ATF2: variants seen among roughly 807,000 people sequenced by gnomAD.
ATF2 encodes activating transcription factor 2.
A neutral mutation model predicts 60.6 loss-of-function variants in ATF2; 24 were observed. The observed-to-expected ratio is 0.40, with a 90% CI of 0.29 to 0.56. The LOEUF (loss-of-function observed/expected upper bound fraction) is 0.56. Ranked by LOEUF, ATF2 falls within the 20% of genes least tolerant of loss-of-function variation. The pLI is 0.54. For missense variants in ATF2, 433 were observed against 607.7 expected (o/e 0.71, Z 3.02); for synonymous variants, 206 against 215.4 (o/e 0.96, Z 0.38).
intron 13 of ATF2, among the ~76,000 whole-genome samples, chr2:175,079,606 G>C (rs1693626616): frequency 6.6e-6 from 1 of 151,954 alleles, no homozygotes; most frequent in Non-Finnish European, 1.5e-5. Flanking sequence ...TGGCAATTGA[G>C]AGTAGCTAAA....
intron 2 of ATF2, among the ~76,000 whole-genome samples, chr2:175,144,868 A>C (rs993234607): frequency 6.6e-6 from 1 of 152,212 alleles, no homozygotes; most frequent in African/African-American, 2.4e-5. Context: ...CCCAAACAGG[A>C]AGACATCTAC....
At chr2:175,088,569 G>A (rs887797893) in intron 12 of ATF2, among the ~76,000 whole-genome samples, 3 of 151,706 alleles carry the variant, frequency 2.0e-5, no homozygotes, top group African/African-American at 4.8e-5. Context: ...TGGTGCAAAC[G>A]GAATCACAGT....
chr2:175,112,155 C>CT (rs1031295812), intron 9 of ATF2, among the ~76,000 whole-genome samples: 3 of 151,776 alleles, frequency 2.0e-5, no homozygotes, highest in South Asian at 2.1e-4. Context: ...TGGTTTTTTC[C>CT]TTTTTTTTCT....
chr2:175,154,999 G>C (rs949441169), intron 1 of ATF2, among the ~76,000 whole-genome samples: 19 of 152,222 alleles, frequency 1.2e-4, no homozygotes, highest in Admixed American at 5.2e-4. Flanking sequence ...GTCCCTGTGG[G>C]AGGACAGGAG....
chr2:175,162,318 G>C (rs1333209050), intron 1 of ATF2, among the ~76,000 whole-genome samples: 1 of 152,158 alleles, frequency 6.6e-6, no homozygotes, highest in East Asian at 1.9e-4. Flanking sequence ...CTTATTCCCA[G>C]AAATAATTCC....
At chr2:175,082,422 G>A (rs991455067) in intron 12 of ATF2, among the ~76,000 whole-genome samples, 2 of 152,128 alleles carry the variant, frequency 1.3e-5, no homozygotes, top group Admixed American at 1.3e-4. Context: ...GCTAATTATA[G>A]TTCAGTATAA....
intron 13 of ATF2, among the ~76,000 whole-genome samples, chr2:175,075,308 T>C (rs1486294902): frequency 6.6e-6 from 1 of 152,168 alleles, no homozygotes; most frequent in African/African-American, 2.4e-5. Context: ...CAGAACTGTA[T>C]TTATTCTGAC....
intron 2 of ATF2, among the ~76,000 whole-genome samples, chr2:175,148,630 T>C (rs1699103242): frequency 6.6e-6 from 1 of 152,138 alleles, no homozygotes; most frequent in African/African-American, 2.4e-5. Flanking sequence ...CCAACATTAA[T>C]ATCAACACAG....
At chr2:175,082,486 G>A (rs146440186) in intron 12 of ATF2, among the ~76,000 whole-genome samples, 40 of 152,248 alleles carry the variant, frequency 2.6e-4, no homozygotes, top group African/African-American at 9.4e-4. Flanking sequence ...ATTACCCAAT[G>A]TATATTACCC....
At chr2:175,088,573 TCA>T (rs1013561754) in intron 12 of ATF2, among the ~76,000 whole-genome samples, 6 of 152,018 alleles carry the variant, frequency 3.9e-5, no homozygotes, top group African/African-American at 7.2e-5. Flanking sequence ...GCAAACGGAA[TCA>T]CAGTTTTTGC....
At chr2:175,109,145 G>A (rs1695985486) in intron 10 of ATF2, among the ~76,000 whole-genome samples, 1 of 108,598 alleles carries the variant, frequency 9.2e-6, no homozygotes, top group African/African-American at 3.4e-5. Flanking sequence ...TCCCCTCTGT[G>A]AGAAACACCC....
At position 175,090,547 on chromosome 2, in the gene ATF2, A is replaced by AT. The variant is rs536387610; in HGVS notation, c.1185+2513dup. 1.6e-3 allele frequency among the ~76,000 whole-genome samples: 239 copies of AT among 152,196 alleles called. 2 individuals are homozygous for AT. Among genetic ancestry groups the AT allele is most frequent in the African/African-American group, 5.5e-3 (229 of 41,554 alleles). On this transcript the variant is annotated intron_variant, in intron 12 of 13. Transcript: ENST00000264110. ...TATTGTAAGTAAAATCCTTGATAAT[A>AT]TATCATTTTGGATCCTATTTTAAAA... is the stretch of plus-strand genomic sequence containing the variant.
At chr2:175,084,554 T>G (rs1694015675) in intron 12 of ATF2, among the ~76,000 whole-genome samples, 1 of 144,208 alleles carries the variant, frequency 6.9e-6, no homozygotes, top group Non-Finnish European at 1.5e-5. Flanking sequence ...AAATGACGAG[T>G]TAATGGGTAC....
intron 10 of ATF2, among the ~76,000 whole-genome samples, chr2:175,103,197 A>G (rs552363674): frequency 1.3e-5 from 2 of 152,242 alleles, no homozygotes; most frequent in African/African-American, 2.4e-5. Flanking sequence ...AATTTATGAA[A>G]AAGTCAGATC....
chr2:175,112,554 G>A (rs528611707), intron 9 of ATF2, among the ~76,000 whole-genome samples: 4 of 152,236 alleles, frequency 2.6e-5, no homozygotes, highest in South Asian at 4.2e-4. Flanking sequence ...GTGTTGGAAT[G>A]TTACTATAAG....
At chr2:175,130,272 A>G (rs1697636667) in intron 3 of ATF2, 65 bp from the exon 4 acceptor site, 1 of 1,088,838 alleles carries the variant, frequency 9.2e-7, no homozygotes, top group Non-Finnish European at 1.3e-6. Flanking sequence ...TAAAATATAA[A>G]TCTCAAGATT....
intron 4 of ATF2, among the ~76,000 whole-genome samples, chr2:175,126,146 C>T (rs1697315889): frequency 6.6e-6 from 1 of 152,164 alleles, no homozygotes; most frequent in Non-Finnish European, 1.5e-5. Flanking sequence ...ATAGTAAATA[C>T]TGAATTATCA....
intron 10 of ATF2, among the ~76,000 whole-genome samples, chr2:175,103,080 T>C (rs1204876176): frequency 6.6e-6 from 1 of 152,230 alleles, no homozygotes; most frequent in Non-Finnish European, 1.5e-5. Flanking sequence ...ATTCAAGTTC[T>C]ATGTTGCACC....
chr2:175,122,783 T>C (rs945284524), intron 4 of ATF2, among the ~76,000 whole-genome samples: 1 of 151,926 alleles, frequency 6.6e-6, no homozygotes, highest in Non-Finnish European at 1.5e-5. Flanking sequence ...AGTTAAGTAC[T>C]CAATAAATGC....
Sources: allele counts gnomAD v4.1 joint callset (sites outside exome capture counted in the v4.1 genomes callset), GRCh38; gene constraint gnomAD v4.1.1; transcripts MANE v1.5; gene names NCBI Gene and HGNC (gene_info 2026-07-23, HGNC 2026-07-21).